The following WDR75 variants were observed in gnomAD, a reference collection of about 807,000 sequenced individuals.
WDR75 encodes WD repeat-containing protein 75.
In WDR75, 52 loss-of-function variants were observed where a neutral mutation model predicts 106.1. The observed-to-expected ratio is 0.49, with a 90% CI of 0.39 to 0.62. The LOEUF (loss-of-function observed/expected upper bound fraction) is 0.62, where lower values mean the gene tolerates loss of function less well. Ranked by LOEUF, WDR75 falls within the 20% of genes least tolerant of loss-of-function variation. WDR75 has a pLI of 0.00. For missense variants in WDR75, 905 were observed against 970.3 expected (o/e 0.93, Z 0.89); for synonymous variants, 333 against 335.5 (o/e 0.99, Z 0.08).
At chr2:189,468,643 A>G in intron 15 of WDR75, 74 bp downstream of exon 15, 1 of 1,450,114 alleles carries the variant, frequency 6.9e-7, no homozygotes, top group Non-Finnish European at 9.7e-7. Context: ...GCATTTTAGG[A>G]CTTAGGGATC....
At chr2:189,451,686 C>A in intron 3 of WDR75, 119 bp from the exon 4 acceptor site, 1 of 774,250 alleles carries the variant, frequency 1.3e-6, no homozygotes, top group Non-Finnish European at 2.1e-6. Flanking sequence ...AGGCCAGGTA[C>A]TCTCCTTATG....
chr2:189,453,771 C>T, intron 4 of WDR75, among the ~76,000 whole-genome samples: 1 of 152,048 alleles, frequency 6.6e-6, no homozygotes, highest in South Asian at 2.1e-4. Context: ...CTCTCATACT[C>T]AAATACAAAA....
intron 18 of WDR75, among the ~76,000 whole-genome samples, chr2:189,472,477 A>C (rs1040350055): frequency 6.6e-6 from 1 of 151,896 alleles, no homozygotes; most frequent in African/African-American, 2.4e-5. Context: ...TATTATTCTT[A>C]TTGTTTTGCC....
rs970252513 is a variant in WDR75, at chr2:189,450,422, G to A, written c.217-481G>A. 20 of 932,364 alleles carry A rather than the reference G, an allele frequency of 2.1e-5. No homozygotes were observed. In the African/African-American group the frequency reaches 3.4e-4, roughly 16 times the overall value. 57.8% of individuals were successfully genotyped at this position (932,364 alleles called of 1,614,324 possible). ...CTCCCAGGCTGGAGTACAGCGATGT[G>A]ATTGATCTCAGCTCACTGCAACCTC... On this transcript the variant is annotated intron_variant, in intron 2 of 20. Transcript: ENST00000314761.
intron 11 of WDR75, among the ~76,000 whole-genome samples, chr2:189,464,655 C>A (rs945499190): frequency 2.0e-5 from 3 of 152,060 alleles, no homozygotes; most frequent in Admixed American, 6.6e-5. Context: ...GGCCTACTTA[C>A]ATTGGCTATC....
In WDR75 at chr2:189,465,061, G is replaced by GT. The variant is rs113619469; in HGVS notation, c.1114-10dup. Reference sequence around the variant, plus strand: ...TGTTAATAAACATTTTGGTTTTTTGGTTTTTTTTACTCATCAGTTAGATAT... The same window carrying GT: ...TGTTAATAAACATTTTGGTTTTTTGGTTTTTTTTTACTCATCAGTTAGATAT... On this transcript the variant is annotated splice_polypyrimidine_tract_variant and intron_variant, in intron 11 of 20. Transcript: ENST00000314761. 7.3e-5 allele frequency: 112 copies of GT among 1,535,322 alleles called. 1 individual carries two copies. In the Middle Eastern group the frequency reaches 1.0e-3, roughly 14 times the overall value.
Position 189,475,242 on chromosome 2 carries a change from T to C in WDR75, c.2318T>C (p.Met773Thr), listed in dbSNP as rs887719367. Residue 773 changes from methionine (M) to threonine (T), a missense_variant, in exon 21 of 21, where the codon ATG becomes ACG. Coordinates refer to ENST00000314761, the MANE Select transcript of WDR75 (RefSeq NM_032168.3). ...SAKEIPEDVD[M>T]EEEKESEDSD... ...AAGGAAATTCCTGAAGATGTAGATA[T>C]GGAAGAAGAAAAAGAAAGTGAAGAT... 12 of 1,612,142 alleles carry C rather than the reference T, an allele frequency of 7.4e-6. No individual in the cohort carries two copies. In the African/African-American group the frequency reaches 8.0e-5, roughly 11 times the overall value.
intron 8 of WDR75, among the ~76,000 whole-genome samples, chr2:189,461,787 G>C (rs943322082): frequency 3.9e-5 from 6 of 152,104 alleles, no homozygotes; most frequent in African/African-American, 1.4e-4. Flanking sequence ...AATCAAAATG[G>C]TAATAATATT....
chr2:189,450,543 C>T, intron 2 of WDR75: 1 of 1,023,270 alleles, frequency 9.8e-7, no homozygotes, highest in South Asian at 3.1e-5. Flanking sequence ...TCTCGAACTC[C>T]TGGCCTCAAG....
intron 11 of WDR75, chr2:189,464,220 T>G: frequency 2.4e-6 from 1 of 424,668 alleles, no homozygotes; most frequent in East Asian, 4.1e-5. Flanking sequence ...CTATTAGCTA[T>G]CCCATACATC....
chr2:189,444,140 TTATC>T, intron 1 of WDR75, among the ~76,000 whole-genome samples: 1 of 152,234 alleles, frequency 6.6e-6, no homozygotes, highest in East Asian at 1.9e-4. Context: ...TTAAAACCAT[TTATC>T]TAACAAATGA....
intron 4 of WDR75, among the ~76,000 whole-genome samples, chr2:189,454,806 G>A (rs1158504341): frequency 6.6e-6 from 1 of 151,948 alleles, no homozygotes; most frequent in Non-Finnish European, 1.5e-5. Flanking sequence ...TATATATTTG[G>A]GGCATTTATG....
intron 13 of WDR75, among the ~76,000 whole-genome samples, chr2:189,467,189 T>G (rs570674599): frequency 2.0e-5 from 3 of 152,212 alleles, no homozygotes; most frequent in African/African-American, 7.2e-5. Context: ...AAAGTTTAAT[T>G]TATAAATTAG....
intron 2 of WDR75, chr2:189,449,604 A>T (rs996152309): frequency 1.6e-5 from 17 of 1,039,546 alleles, no homozygotes; most frequent in Non-Finnish European, 1.9e-5. Flanking sequence ...AAAATTAGAG[A>T]AGGGCAGTTT....
chr2:189,456,525 A>G (rs1686739660), intron 5 of WDR75, among the ~76,000 whole-genome samples: 1 of 152,100 alleles, frequency 6.6e-6, no homozygotes, highest in Non-Finnish European at 1.5e-5. Context: ...GACAAGCAGA[A>G]AAGAGTGTAT....
intron 19 of WDR75, 121 bp from the exon 20 acceptor site, chr2:189,474,596 G>A: frequency 2.1e-6 from 2 of 943,312 alleles, no homozygotes; most frequent in Non-Finnish European, 3.2e-6. Context: ...TATAGGGAAA[G>A]CCTTTTCATG....
intron 5 of WDR75, among the ~76,000 whole-genome samples, chr2:189,456,579 A>G (rs769562744): frequency 1.3e-5 from 2 of 152,054 alleles, no homozygotes; most frequent in African/African-American, 4.8e-5. Flanking sequence ...CCGGCAGAGA[A>G]ATAAGCTATG....
intron 6 of WDR75, 99 bp from the exon 7 acceptor site, chr2:189,458,653 AT>A (rs1248083201): frequency 1.9e-6 from 2 of 1,035,404 alleles, no homozygotes; most frequent in East Asian, 5.9e-5. Context: ...GAGCTCTACA[AT>A]TTTGGTTGCT....
Position 189,441,553 on chromosome 2 carries a change from A to C in WDR75, c.61A>C (p.Arg21=). Reference sequence around the variant, plus strand: ...TGGCGGCAGCGAGTTGAACTTTAGGAGAGCTGTGTTCTCTGCAGATTCTAA... The same window carrying C: ...TGGCGGCAGCGAGTTGAACTTTAGGCGAGCTGTGTTCTCTGCAGATTCTAA... ...RCGGSELNFR[R]AVFSADSKYI... Residue 21 remains arginine (R), a synonymous_variant, in exon 1 of 21, where the codon AGA becomes CGA. Coordinates refer to ENST00000314761, the MANE Select transcript of WDR75 (RefSeq NM_032168.3). 1 of 1,561,662 alleles carries C rather than the reference A, an allele frequency of 6.4e-7. No homozygotes were observed. Among genetic ancestry groups the C allele is most frequent in the Non-Finnish European group, 8.7e-7 (1 of 1,151,898 alleles).
Sources: gnomAD v4.1 joint callset for allele counts (sites outside exome capture counted in the v4.1 genomes callset) on GRCh38, gnomAD v4.1.1 for gene constraint, MANE v1.5 for transcripts, NCBI Gene and HGNC (gene_info 2026-07-23, HGNC 2026-07-21) for gene names.